The following ROR2 variants were observed in gnomAD, a reference collection of about 807,000 sequenced individuals.
ROR2 encodes ROR family WNT receptor 2.
Under a neutral mutation model 74.9 loss-of-function variants are expected in ROR2, and 33 were observed. The ratio of observed to expected loss-of-function variants is 0.44; its 90% CI spans 0.33 to 0.59. The LOEUF is 0.59. Ranked by LOEUF, ROR2 falls within the 20% of genes least tolerant of loss-of-function variation. ROR2 has a pLI of 0.02. For missense variants in ROR2, 1,216 were observed against 1,313.8 expected, an observed-to-expected ratio of 0.93 and a Z score of 1.15; for synonymous variants, 586 against 558.7, an observed-to-expected ratio of 1.05 and a Z score of -0.69.
chr9:91,801,916 G>A (rs113607707), intron 1 of ROR2, among the ~76,000 whole-genome samples: 358 of 152,286 alleles, frequency 2.4e-3, no homozygotes, highest in African/African-American at 8.2e-3. Flanking sequence ...GGACCATCGC[G>A]CACAGCAGGT....
intron 1 of ROR2, among the ~76,000 whole-genome samples, chr9:91,938,489 G>A (rs1264096579): frequency 6.6e-6 from 1 of 152,022 alleles, no homozygotes; most frequent in Non-Finnish European, 1.5e-5. Flanking sequence ...CAGATGTGAT[G>A]TGCACACCTG....
intron 1 of ROR2, among the ~76,000 whole-genome samples, chr9:91,824,789 C>A (rs568340672): frequency 6.6e-6 from 1 of 152,176 alleles, no homozygotes; most frequent in African/African-American, 2.4e-5. Flanking sequence ...TCCGTCCCCA[C>A]GCTCTGGAAC....
chr9:91,752,755 A>G (rs1000049001), intron 4 of ROR2, among the ~76,000 whole-genome samples: 2 of 152,262 alleles, frequency 1.3e-5, no homozygotes, highest in African/African-American at 4.8e-5. Flanking sequence ...AGCAAGAATC[A>G]TAAACAGATA....
At chr9:91,754,332 T>C (rs1002113942) in intron 4 of ROR2, among the ~76,000 whole-genome samples, 1 of 151,336 alleles carries the variant, frequency 6.6e-6, no homozygotes, top group Non-Finnish European at 1.5e-5. Flanking sequence ...TAACTATATA[T>C]AAATGAACTA....
chr9:91,895,117 GAGAT>G (rs1316493411), intron 1 of ROR2, among the ~76,000 whole-genome samples: 1 of 152,168 alleles, frequency 6.6e-6, no homozygotes, highest in African/African-American at 2.4e-5. Context: ...ACCATGAAAA[GAGAT>G]AGAGCAAACT....
intron 1 of ROR2, among the ~76,000 whole-genome samples, chr9:91,936,315 G>A (rs1448566486): frequency 6.6e-6 from 1 of 152,176 alleles, no homozygotes; most frequent in East Asian, 1.9e-4. Flanking sequence ...TGGAGGCCAG[G>A]AGTTGGCAGG....
At chr9:91,853,497 G>A (rs530372094) in intron 1 of ROR2, among the ~76,000 whole-genome samples, 1 of 152,244 alleles carries the variant, frequency 6.6e-6, no homozygotes, top group African/African-American at 2.4e-5. Context: ...GAGGGCAGGT[G>A]CTGTCCAGCC....
chr9:91,883,333 T>C (rs1830173539), intron 1 of ROR2: 1 of 152,160 alleles, frequency 6.6e-6, no homozygotes, highest in African/African-American at 2.4e-5. Context: ...TGGGAGTCAC[T>C]CAACTTGTTC....
At chr9:91,928,710 G>A (rs1008847174) in intron 1 of ROR2, among the ~76,000 whole-genome samples, 2 of 152,168 alleles carry the variant, frequency 1.3e-5, no homozygotes, top group Non-Finnish European at 2.9e-5. Context: ...AAGACTAAAT[G>A]ACATAATTCA....
At chr9:91,821,261 G>A (rs1409513423) in intron 1 of ROR2, among the ~76,000 whole-genome samples, 4 of 152,156 alleles carry the variant, frequency 2.6e-5, no homozygotes, top group Non-Finnish European at 4.4e-5. Flanking sequence ...CCAGAATTAG[G>A]AGAAAGCAAA....
chr9:91,912,090 T>C (rs1831006544), intron 1 of ROR2, among the ~76,000 whole-genome samples: 1 of 152,162 alleles, frequency 6.6e-6, no homozygotes, highest in Non-Finnish European at 1.5e-5. Context: ...GTGAACTAAA[T>C]GCAATGTGGG....
intron 1 of ROR2, among the ~76,000 whole-genome samples, chr9:91,886,504 G>A (rs1481191539): frequency 2.5e-5 from 3 of 117,740 alleles, no homozygotes; most frequent in African/African-American, 1.1e-4. Context: ...ACCCACGCAC[G>A]GCGCGGCAGC....
intron 1 of ROR2, among the ~76,000 whole-genome samples, chr9:91,880,296 C>T (rs193191304): frequency 5.1e-4 from 77 of 152,256 alleles, no homozygotes; most frequent in African/African-American, 1.8e-3. Context: ...GACTTCTGGC[C>T]TCCAGAACTA....
chr9:91,927,003 T>G (rs748349561), intron 1 of ROR2, among the ~76,000 whole-genome samples: 1 of 152,226 alleles, frequency 6.6e-6, no homozygotes, highest in East Asian at 1.9e-4. Context: ...TGGCACATTC[T>G]ATGTTTTGTG....
At chr9:91,829,230 G>A (rs1283284323) in intron 1 of ROR2, among the ~76,000 whole-genome samples, 1 of 152,182 alleles carries the variant, frequency 6.6e-6, no homozygotes, top group East Asian at 1.9e-4. Context: ...AGAAGTGTAT[G>A]GGCACATTTG....
intron 1 of ROR2, among the ~76,000 whole-genome samples, chr9:91,817,904 C>G (rs1828000204): frequency 6.6e-6 from 1 of 152,040 alleles, no homozygotes; most frequent in African/African-American, 2.4e-5. Flanking sequence ...GCGTCTCCAG[C>G]TTTTGTTTAT....
rs1644562683 is a variant in ROR2, at chr9:91,909,289, C to T, written c.97+40578G>A. 2.0e-5 allele frequency among the ~76,000 whole-genome samples: 3 copies of T among 152,012 alleles called. No individual in the cohort carries two copies. In the South Asian group the frequency reaches 6.2e-4, roughly 32 times the overall value. On this transcript the variant is annotated intron_variant, in intron 1 of 8. Transcript: ENST00000375708. ...ATCCTCTTCTTATTGGAAAGAGGAG[C>T]TTTTTTATCTGTCATCACTGATTGG...
intron 2 of ROR2, among the ~76,000 whole-genome samples, chr9:91,773,425 C>T (rs1826307098): frequency 6.6e-6 from 1 of 152,194 alleles, no homozygotes; most frequent in Non-Finnish European, 1.5e-5. Flanking sequence ...ACCAGACGCC[C>T]TCAACAACCG....
intron 1 of ROR2, among the ~76,000 whole-genome samples, chr9:91,868,011 A>G (rs1369241242): frequency 6.6e-6 from 1 of 152,220 alleles, no homozygotes; most frequent in Non-Finnish European, 1.5e-5. Flanking sequence ...CAACATACAA[A>G]GAACCAGGAA....
Sources: gnomAD v4.1 joint callset for allele counts (sites outside exome capture counted in the v4.1 genomes callset) on GRCh38, gnomAD v4.1.1 for gene constraint, MANE v1.5 for transcripts, NCBI Gene and HGNC (gene_info 2026-07-23, HGNC 2026-07-21) for gene names.